Variants in NOL4 observed in about 807,000 individuals in gnomAD.
NOL4 encodes the protein cancer/testis antigen 125.
In NOL4, 17 loss-of-function variants were observed where a neutral mutation model predicts 75.9. That is an observed-to-expected ratio of 0.22 (90% CI 0.15 to 0.34). NOL4 has a LOEUF of 0.34. NOL4 is among the 10% of genes least tolerant of loss of function. The probability of loss-of-function intolerance (pLI) is 1.00; values close to 1 mark genes in which losing one functional copy is unlikely to be tolerated. For missense variants in NOL4, 614 were observed against 793.5 expected, an observed-to-expected ratio of 0.77 and a Z score of 2.72; for synonymous variants, 292 against 289.9, an observed-to-expected ratio of 1.01 and a Z score of -0.07.
At chr18:33,933,322 C>T (rs2067828154) in intron 9 of NOL4, among the ~76,000 whole-genome samples, 1 of 151,968 alleles carries the variant, frequency 6.6e-6, no homozygotes, top group South Asian at 2.1e-4. Flanking sequence ...AGTCTTGACT[C>T]GATATTGATG....
At chr18:34,160,078 C>T (rs1195836975) in intron 1 of NOL4, among the ~76,000 whole-genome samples, 1 of 152,070 alleles carries the variant, frequency 6.6e-6, no homozygotes, top group African/African-American at 2.4e-5. Context: ...CAAAACAAAC[C>T]CAGGCGGAGA....
chr18:34,215,162 GT>G lies in NOL4; in HGVS notation c.264+7827del, dbSNP rs562364232. Among the ~76,000 whole-genome samples, 901 of 152,064 alleles carry G rather than the reference GT, an allele frequency of 5.9e-3. 8 individuals are homozygous for G. The highest frequency in any genetic ancestry group is 0.016 in the African/African-American group (679 of 41,496). ...TAATATGGTAACTTTTATGTTGTGT[GT>G]TTTTTTTATCACAATTAAAACACAT... On this transcript the variant is annotated intron_variant, in intron 1 of 10. Transcript: ENST00000261592.
At position 33,852,343 on chromosome 18, in the gene NOL4, C is replaced by A. The variant is rs1418684948; in HGVS notation, c.*499G>T. The A allele has an allele frequency of 6.6e-6, 1 of 150,832 alleles. No individual in the cohort carries two copies. Among genetic ancestry groups the A allele is most frequent in the Admixed American group, 6.6e-5 (1 of 15,086 alleles). The allele number at this position is 150,832 out of a possible 1,614,324, so 9.3% of individuals were successfully genotyped here. On this transcript the variant is annotated 3_prime_UTR_variant, in exon 11 of 11. Coordinates refer to ENST00000261592, the MANE Select transcript of NOL4 (RefSeq NM_003787.5). ...CAAGTTTGAATGAAAAACAAGTTTT[C>A]TTTTTATAAAAATTACATATTTTTT...
chr18:34,152,874 C>T (rs1440254927), intron 1 of NOL4, among the ~76,000 whole-genome samples: 2 of 151,760 alleles, frequency 1.3e-5, no homozygotes, highest in African/African-American at 4.8e-5. Flanking sequence ...AAAGGGAATA[C>T]TAAAAATAGA....
intron 1 of NOL4, among the ~76,000 whole-genome samples, chr18:34,187,370 CTT>C (rs545524361): frequency 0.021 from 1,646 of 78,100 alleles, 10 homozygotes; most frequent in African/African-American, 0.098. Context: ...TAGTCCACTT[CTT>C]TTTTTTTTTT....
At chr18:34,193,234 C>CA (rs541367530) in intron 1 of NOL4, among the ~76,000 whole-genome samples, 123 of 151,826 alleles carry the variant, frequency 8.1e-4, no homozygotes, top group African/African-American at 2.8e-3. Flanking sequence ...CAAAACACAG[C>CA]AAAAAAAGCA....
At chr18:34,112,694 G>A (rs2079653036) in intron 2 of NOL4, among the ~76,000 whole-genome samples, 1 of 152,180 alleles carries the variant, frequency 6.6e-6, no homozygotes, top group Non-Finnish European at 1.5e-5. Flanking sequence ...GGTGGTTCCA[G>A]TGGCTGGAGG....
chr18:34,170,931 C>T (rs983272400), intron 1 of NOL4, among the ~76,000 whole-genome samples: 2 of 152,112 alleles, frequency 1.3e-5, no homozygotes, highest in Non-Finnish European at 2.9e-5. Flanking sequence ...ACAGTTCTAC[C>T]AGTAAACATC....
At chr18:34,069,835 G>T (rs1487093167) in intron 5 of NOL4, among the ~76,000 whole-genome samples, 2 of 152,122 alleles carry the variant, frequency 1.3e-5, no homozygotes, top group Non-Finnish European at 2.9e-5. Flanking sequence ...TGAAATAATT[G>T]GTCCCAAATG....
intron 6 of NOL4, among the ~76,000 whole-genome samples, chr18:34,003,157 C>G (rs1212596801): frequency 6.6e-6 from 1 of 152,056 alleles, no homozygotes; most frequent in Non-Finnish European, 1.5e-5. Context: ...TTCTTAAGAA[C>G]AAGCATTAAA....
At chr18:34,092,824 A>G (rs2078590154) in intron 5 of NOL4, among the ~76,000 whole-genome samples, 1 of 152,194 alleles carries the variant, frequency 6.6e-6, no homozygotes. Flanking sequence ...CTCCAAAAAT[A>G]TTAGGCCTAC....
intron 6 of NOL4, among the ~76,000 whole-genome samples, chr18:33,992,568 C>T (rs561599903): frequency 4.3e-4 from 65 of 152,064 alleles, no homozygotes; most frequent in African/African-American, 1.5e-3. Flanking sequence ...TCACAACAAC[C>T]CCCTTCCAGT....
intron 9 of NOL4, among the ~76,000 whole-genome samples, chr18:33,905,953 G>A (rs1417748306): frequency 6.6e-6 from 1 of 152,170 alleles, no homozygotes; most frequent in African/African-American, 2.4e-5. Flanking sequence ...ATGAACCTTT[G>A]AGAGTGGGGA....
At chr18:34,031,213 T>C (rs780012721) in intron 5 of NOL4, among the ~76,000 whole-genome samples, 4 of 152,196 alleles carry the variant, frequency 2.6e-5, no homozygotes, top group Non-Finnish European at 4.4e-5. Flanking sequence ...TGTCCGTCTT[T>C]GTTCTCTGTT....
intron 9 of NOL4, among the ~76,000 whole-genome samples, chr18:33,913,849 C>CAAAACTTAA (rs1201662175): frequency 6.6e-6 from 1 of 151,992 alleles, no homozygotes; most frequent in Admixed American, 6.6e-5. Context: ...TGGAAGATCT[C>CAAAACTTAA]AAAACTTAAA....
At chr18:34,160,193 CAAAG>C (rs1471459529) in intron 1 of NOL4, among the ~76,000 whole-genome samples, 6 of 151,750 alleles carry the variant, frequency 4.0e-5, no homozygotes, top group Non-Finnish European at 5.9e-5. Flanking sequence ...CAGCTGTAGA[CAAAG>C]AAAAAGGCAA....
intron 2 of NOL4, among the ~76,000 whole-genome samples, chr18:34,124,637 G>C (rs2080299623): frequency 6.6e-6 from 1 of 152,092 alleles, no homozygotes; most frequent in South Asian, 2.1e-4. Flanking sequence ...TGATGCGATG[G>C]CTCATGCTTG....
At chr18:34,178,390 T>C (rs563432184) in intron 1 of NOL4, among the ~76,000 whole-genome samples, 24 of 151,904 alleles carry the variant, frequency 1.6e-4, no homozygotes, top group African/African-American at 5.8e-4. Context: ...CAGGTTATTT[T>C]GTATCAGTAA....
At chr18:33,997,676 A>T (rs1291142326) in intron 6 of NOL4, among the ~76,000 whole-genome samples, 1 of 148,406 alleles carries the variant, frequency 6.7e-6, no homozygotes, top group African/African-American at 2.4e-5. Flanking sequence ...ATATATACAC[A>T]TATACTTTAT....
Sources: allele counts gnomAD v4.1 joint callset (sites outside exome capture counted in the v4.1 genomes callset), GRCh38; gene constraint gnomAD v4.1.1; transcripts MANE v1.5; gene names NCBI Gene and HGNC (gene_info 2026-07-23, HGNC 2026-07-21).